The following RGS7 variants were observed in gnomAD, a reference collection of about 807,000 sequenced individuals.
The protein encoded by RGS7 is regulator of G-protein signaling 7.
In RGS7, 27 loss-of-function variants were observed where a neutral mutation model predicts 81.1. The ratio of observed to expected loss-of-function variants is 0.33; its 90% CI spans 0.25 to 0.46. RGS7 has a LOEUF of 0.46. RGS7 is among the 20% of genes least tolerant of loss of function. The pLI is 1.00. For synonymous variants in RGS7, 208 were observed against 207.7 expected (o/e 1.00, Z -0.01); for missense variants, 396 against 607.4 (o/e 0.65, Z 3.66).
chr1:241,160,777 T>C (rs186570887), intron 2 of RGS7, among the ~76,000 whole-genome samples: 2 of 152,292 alleles, frequency 1.3e-5, no homozygotes, highest in Admixed American at 6.5e-5. Context: ...GCTGCAAATT[T>C]TGGGGTACTG....
intron 3 of RGS7, among the ~76,000 whole-genome samples, chr1:241,053,335 C>T (rs1307050243): frequency 1.3e-5 from 2 of 152,144 alleles, no homozygotes; most frequent in African/African-American, 4.8e-5. Flanking sequence ...CACTCTTTAT[C>T]GTGGCCTTGT....
At chr1:241,207,981 C>T (rs2074019671) in intron 2 of RGS7, among the ~76,000 whole-genome samples, 1 of 152,174 alleles carries the variant, frequency 6.6e-6, no homozygotes, top group African/African-American at 2.4e-5. Flanking sequence ...TCTCCGCTCA[C>T]TGCAACCTCT....
chr1:240,868,072 A>G lies in RGS7; in HGVS notation c.609+515T>C, dbSNP rs1663673239. On this transcript the variant is annotated intron_variant, in intron 9 of 18. Transcript: ENST00000440928. This position sits in a 1 kb window ranked among gnomAD's most constrained non-coding sequence, Gnocchi z 5.1. ...GAAAGAAAGAAAGAAAAGAAGAGAA[A>G]AGAAAGAAAGAAAAAGAAAGAAAAG... Among the ~76,000 whole-genome samples the G allele has an allele frequency of 6.6e-6, 1 of 151,288 alleles. No individual in the cohort carries two copies. The highest frequency in any genetic ancestry group is 2.4e-5 in the African/African-American group (1 of 41,170).
chr1:241,031,786 G>A (rs2060096564), intron 3 of RGS7, among the ~76,000 whole-genome samples: 1 of 152,066 alleles, frequency 6.6e-6, no homozygotes, highest in African/African-American at 2.4e-5. Flanking sequence ...TTTGAAAAAT[G>A]TCTGTTTGTG....
intron 2 of RGS7, among the ~76,000 whole-genome samples, chr1:241,111,394 C>T (rs2065500188): frequency 6.6e-6 from 1 of 152,178 alleles, no homozygotes; most frequent in Admixed American, 6.5e-5. Context: ...ATCTCCTCCT[C>T]CTTTTCGTGA....
intron 6 of RGS7, among the ~76,000 whole-genome samples, chr1:240,916,300 GAGAA>G (rs1412409562): frequency 4.0e-5 from 6 of 149,316 alleles, no homozygotes; most frequent in African/African-American, 1.5e-4. Context: ...AAAATAGAGA[GAGAA>G]AGAGAGGACA....
chr1:240,953,841 T>A (rs1040570448), intron 4 of RGS7, among the ~76,000 whole-genome samples: 2 of 152,036 alleles, frequency 1.3e-5, no homozygotes, highest in East Asian at 3.9e-4. Context: ...GTCAACAAAA[T>A]TGACAAATCT....
rs58217460 is a variant in RGS7, at chr1:241,071,874, C to CAAAAAAAAAAAAAAAAAAAAA, written c.175+26771_175+26791dup. Among the ~76,000 whole-genome samples, 35 of 56,838 alleles carry CAAAAAAAAAAAAAAAAAAAAA rather than the reference C, an allele frequency of 6.2e-4. 1 individual carries two copies. The highest frequency in any genetic ancestry group is 1.1e-3 in the Admixed American group (4 of 3,494). 37.3% of individuals were successfully genotyped at this position (56,838 alleles called of 152,430 possible). A position where few individuals can be genotyped will look rare whatever the true frequency, so the allele number is the denominator to read the frequency against. On this transcript the variant is annotated intron_variant, in intron 3 of 18. Transcript: ENST00000440928. ...GACAGATGACAGAGTGAGACCCTGT[C>CAAAAAAAAAAAAAAAAAAAAA]AAAAAAAAAAAAAAAAAAAAACAAG...
intron 14 of RGS7, among the ~76,000 whole-genome samples, chr1:240,806,668 T>C (rs1265497458): frequency 1.3e-5 from 2 of 152,072 alleles, no homozygotes; most frequent in African/African-American, 4.8e-5. Context: ...AACACTGATT[T>C]TACCTAAGGA....
chr1:241,241,665 A>C (rs1366823163), intron 2 of RGS7, among the ~76,000 whole-genome samples: 1 of 152,116 alleles, frequency 6.6e-6, no homozygotes, highest in Non-Finnish European at 1.5e-5. Flanking sequence ...TTCACCTGGC[A>C]GGTGGCATGA....
chr1:240,892,363 A>C (rs1668413308), intron 6 of RGS7, among the ~76,000 whole-genome samples: 1 of 152,126 alleles, frequency 6.6e-6, no homozygotes, highest in Admixed American at 6.6e-5. Flanking sequence ...AACAAGGGCT[A>C]TTTTTTTGTA....
intron 2 of RGS7, among the ~76,000 whole-genome samples, chr1:241,320,880 T>C (rs760187209): frequency 2.6e-5 from 4 of 152,242 alleles, no homozygotes; most frequent in African/African-American, 7.2e-5. Context: ...AACTAAAATG[T>C]AGTTGTATTT....
At chr1:241,352,127 G>A (rs192062990) in intron 2 of RGS7, among the ~76,000 whole-genome samples, 1 of 152,278 alleles carries the variant, frequency 6.6e-6, no homozygotes, top group Non-Finnish European at 1.5e-5. Context: ...CCACAAAGGA[G>A]AGTTTTGTCT....
chr1:241,259,667 A>AAATATATATATAT, intron 2 of RGS7, among the ~76,000 whole-genome samples: 2 of 49,146 alleles, frequency 4.1e-5, no homozygotes, highest in African/African-American at 1.6e-4. Flanking sequence ...AAAAAAAAAA[A>AAATATATATATAT]ATATATATAT....
At chr1:240,850,722 A>G (rs911935874) in intron 9 of RGS7, among the ~76,000 whole-genome samples, 134 of 152,364 alleles carry the variant, frequency 8.8e-4, no homozygotes, top group African/African-American at 3.2e-3. Flanking sequence ...AAAGTTCTTC[A>G]AAAGCACTTG....
Position 241,350,786 on chromosome 1 carries a change from C to T in RGS7, c.78+4913G>A, listed in dbSNP as rs147872663. On this transcript the variant is annotated intron_variant, in intron 2 of 18. Transcript: ENST00000440928. ...AAAAAAAGCCAAAGATTATTTTTCA[C>T]GACGGGGATTTCGGCGAGAAACATC... Among the ~76,000 whole-genome samples the T allele has an allele frequency of 5.4e-3, 790 of 146,956 alleles. 10 individuals carry two copies. The highest frequency in any genetic ancestry group is 0.019 in the African/African-American group (750 of 39,890).
chr1:241,021,392 G>C (rs1449154599), intron 3 of RGS7, among the ~76,000 whole-genome samples: 1 of 152,148 alleles, frequency 6.6e-6, no homozygotes, highest in Non-Finnish European at 1.5e-5. Context: ...TTTATTTTCA[G>C]TCTGTAATTC....
chr1:241,118,647 T>A (rs1174082421), intron 2 of RGS7, among the ~76,000 whole-genome samples: 4 of 152,120 alleles, frequency 2.6e-5, no homozygotes, highest in Non-Finnish European at 5.9e-5. Context: ...AACTTAAATG[T>A]TCATCAACAG....
intron 6 of RGS7, among the ~76,000 whole-genome samples, chr1:240,927,770 CAAT>C (rs1414650182): frequency 6.6e-6 from 1 of 152,036 alleles, no homozygotes; most frequent in African/African-American, 2.4e-5. Context: ...TAAGCACAAC[CAAT>C]AATATGTTTC....
Sources: gnomAD v4.1 joint callset for allele counts (sites outside exome capture counted in the v4.1 genomes callset) on GRCh38, gnomAD v4.1.1 for gene constraint, Gnocchi (gnomAD v3.1) non-coding constraint, MANE v1.5 for transcripts, NCBI Gene and HGNC (gene_info 2026-07-23, HGNC 2026-07-21) for gene names.